Variants in UVRAG observed in about 807,000 individuals in gnomAD.
The protein encoded by UVRAG is UV radiation resistance-associated gene protein.
A neutral mutation model predicts 78.0 loss-of-function variants in UVRAG; 19 were observed. That is an observed-to-expected ratio of 0.24 (90% CI 0.17 to 0.36). UVRAG has a LOEUF of 0.36. Among genes scored for constraint, UVRAG ranks in the 10% least tolerant of loss-of-function variants. UVRAG has a pLI of 1.00. For missense variants in UVRAG, 740 were observed against 853.8 expected, an observed-to-expected ratio of 0.87 and a Z score of 1.66; for synonymous variants, 323 against 324.6, an observed-to-expected ratio of 1.00 and a Z score of 0.05.
At chr11:76,093,199 C>T (rs1951733272) in intron 13 of UVRAG, among the ~76,000 whole-genome samples, 1 of 152,102 alleles carries the variant, frequency 6.6e-6, no homozygotes, top group African/African-American at 2.4e-5. Context: ...GTCTATATCT[C>T]TATTTTGGTA....
At chr11:75,906,549 T>C (rs1182810375) in intron 5 of UVRAG, among the ~76,000 whole-genome samples, 1 of 152,138 alleles carries the variant, frequency 6.6e-6, no homozygotes, top group African/African-American at 2.4e-5. Context: ...GGTTTTACCA[T>C]GTTAGCTAGG....
chr11:75,907,538 G>A (rs966287019), intron 5 of UVRAG, among the ~76,000 whole-genome samples: 2 of 151,864 alleles, frequency 1.3e-5, no homozygotes, highest in African/African-American at 2.4e-5. Context: ...CTTTTTGACA[G>A]AGTCTTGCTC....
At chr11:76,059,277 A>G (rs563604882) in intron 12 of UVRAG, among the ~76,000 whole-genome samples, 38 of 152,380 alleles carry the variant, frequency 2.5e-4, no homozygotes, top group African/African-American at 8.9e-4. Context: ...GATTTACCCA[A>G]GTTCATATAA....
intron 12 of UVRAG, among the ~76,000 whole-genome samples, chr11:76,028,510 T>G (rs1391739878): frequency 6.6e-6 from 1 of 152,106 alleles, no homozygotes; most frequent in Non-Finnish European, 1.5e-5. Flanking sequence ...AAGTTGTAAA[T>G]TCAAAGGAAA....
At position 75,983,410 on chromosome 11, in the gene UVRAG, G is replaced by A. The variant is rs532668939; in HGVS notation, c.723G>A (p.Gln241=). 24 of 1,601,318 alleles carry A rather than the reference G, an allele frequency of 1.5e-5. No individual in the cohort carries two copies. The highest frequency in any genetic ancestry group is 1.5e-4 in the African/African-American group (11 of 74,556). ...AGAAAAAAAAAAGTGAATGCCTGCA[G>A]TTAAAAATTTTGGTGCTTCAGAATG... ...NELKKKSECL[Q]LKILVLQNEL... The change falls in exon 8 of 15, where the codon CAG becomes CAA. Residue 241 remains glutamine (Q), a synonymous_variant. Transcript: ENST00000356136.
Position 75,843,440 on chromosome 11 carries a change from T to C in UVRAG, c.118-8443T>C, listed in dbSNP as rs1243615459. On this transcript the variant is annotated intron_variant, in intron 1 of 14. Coordinates refer to ENST00000356136, the MANE Select transcript of UVRAG (RefSeq NM_003369.4). ...ACAGTATAAGTTCTTTCCCTAGTTG[T>C]AATCTTTGACAGTTTTAAAGGGATG... is the stretch of plus-strand genomic sequence containing the variant. 2.0e-5 allele frequency among the ~76,000 whole-genome samples: 3 copies of C among 152,238 alleles called. No homozygotes were observed. In the East Asian group the frequency reaches 5.8e-4, roughly 29 times the overall value.
intron 6 of UVRAG, among the ~76,000 whole-genome samples, chr11:75,928,946 A>AAC (rs1400188984): frequency 1.1e-4 from 16 of 149,740 alleles, no homozygotes; most frequent in Non-Finnish European, 1.9e-4. Flanking sequence ...TCTCAAAAAA[A>AAC]AAAAAAAAAA....
At chr11:75,976,477 G>T (rs936456530) in intron 7 of UVRAG, among the ~76,000 whole-genome samples, 2 of 152,124 alleles carry the variant, frequency 1.3e-5, no homozygotes, top group Non-Finnish European at 2.9e-5. Flanking sequence ...GTAGAATTTG[G>T]CTGTGAATCT....
chr11:75,935,579 G>T (rs769694623), intron 6 of UVRAG, among the ~76,000 whole-genome samples: 4 of 152,128 alleles, frequency 2.6e-5, no homozygotes, highest in African/African-American at 9.7e-5. Flanking sequence ...GCTTCCTTGT[G>T]GAAGAGTCTT....
intron 12 of UVRAG, among the ~76,000 whole-genome samples, chr11:76,061,504 G>C: frequency 6.6e-6 from 1 of 152,150 alleles, no homozygotes; most frequent in Non-Finnish European, 1.5e-5. Context: ...TCCACACTGT[G>C]TTTATGAGCT....
intron 13 of UVRAG, among the ~76,000 whole-genome samples, chr11:76,104,677 C>G (rs1951939939): frequency 6.6e-6 from 1 of 152,160 alleles, no homozygotes; most frequent in Non-Finnish European, 1.5e-5. Context: ...ATTATCGTCA[C>G]CACCACACAT....
chr11:76,058,199 G>A (rs575986124), intron 12 of UVRAG, among the ~76,000 whole-genome samples: 1 of 152,074 alleles, frequency 6.6e-6, no homozygotes, highest in Admixed American at 6.6e-5. Context: ...GTTGTAGGGG[G>A]GACTTTGGGA....
intron 13 of UVRAG, among the ~76,000 whole-genome samples, chr11:76,082,833 C>T (rs1481820602): frequency 6.6e-6 from 1 of 152,040 alleles, no homozygotes; most frequent in Non-Finnish European, 1.5e-5. Flanking sequence ...AGTTCAAGAC[C>T]AACCTGAGCA....
At chr11:75,871,503 C>T (rs568879104) in intron 3 of UVRAG, among the ~76,000 whole-genome samples, 9 of 152,028 alleles carry the variant, frequency 5.9e-5, no homozygotes, top group African/African-American at 2.2e-4. Context: ...AGATTGGTCT[C>T]GAACTCCTGA....
At chr11:76,065,832 C>G (rs749105485) in intron 13 of UVRAG, 44 bp downstream of exon 13, 16 of 1,575,072 alleles carry the variant, frequency 1.0e-5, no homozygotes, top group Non-Finnish European at 1.3e-5. Context: ...CCATGCACAG[C>G]CTGTTTCCTT....
At chr11:76,140,502 A>G (rs1452735219) in intron 14 of UVRAG, among the ~76,000 whole-genome samples, 2 of 152,026 alleles carry the variant, frequency 1.3e-5, no homozygotes, top group Admixed American at 6.6e-5. Context: ...GTGTGTCTGT[A>G]TCCTGCTGGA....
At chr11:75,922,350 A>G (rs1591021525) in intron 6 of UVRAG, among the ~76,000 whole-genome samples, 3 of 152,172 alleles carry the variant, frequency 2.0e-5, no homozygotes, top group South Asian at 2.1e-4. Context: ...GCTTACTGCT[A>G]TTATAAGGAA....
intron 12 of UVRAG, among the ~76,000 whole-genome samples, chr11:76,038,343 G>T (rs1023091814): frequency 1.3e-5 from 2 of 150,832 alleles, no homozygotes; most frequent in African/African-American, 4.9e-5. Context: ...ATTTCCTGGG[G>T]ACATGGTTTA....
At chr11:75,882,551 A>AG (rs900795302) in intron 4 of UVRAG, among the ~76,000 whole-genome samples, 3 of 152,122 alleles carry the variant, frequency 2.0e-5, no homozygotes, top group South Asian at 2.1e-4. Context: ...TCTAAAAAAA[A>AG]CTAAAAATCT....
Sources: allele counts gnomAD v4.1 joint callset (sites outside exome capture counted in the v4.1 genomes callset), GRCh38; gene constraint gnomAD v4.1.1; transcripts MANE v1.5; gene names NCBI Gene and HGNC (gene_info 2026-07-23, HGNC 2026-07-21).